DAB1: variants seen among roughly 807,000 people sequenced by gnomAD.
DAB1 encodes DAB adaptor protein 1.
In DAB1, 15 loss-of-function variants were observed where a neutral mutation model predicts 64.6. That is an observed-to-expected ratio of 0.23 (90% CI 0.16 to 0.36). The LOEUF (loss-of-function observed/expected upper bound fraction) is 0.36, where lower values mean the gene tolerates loss of function less well. Among genes scored for constraint, DAB1 ranks in the 10% least tolerant of loss-of-function variants. The pLI, the probability that DAB1 is intolerant of heterozygous loss-of-function variation, is 1.00. For missense variants in DAB1, 596 were observed against 706.7 expected (o/e 0.84, Z 1.78); for synonymous variants, 235 against 251.9 (o/e 0.93, Z 0.64).
chr1:58,280,907 G>C (rs1225108012), intron 4 of DAB1, among the ~76,000 whole-genome samples: 1 of 152,234 alleles, frequency 6.6e-6, no homozygotes, highest in Non-Finnish European at 1.5e-5. Flanking sequence ...GAGACCGTAA[G>C]AGCAAAAGAG....
At chr1:57,924,788 C>G (rs1279749626) in intron 5 of DAB1, among the ~76,000 whole-genome samples, 1 of 151,902 alleles carries the variant, frequency 6.6e-6, no homozygotes, top group Non-Finnish European at 1.5e-5. Context: ...TTCTATGTAT[C>G]AGTTTACTCG....
chr1:57,996,972 C>G (rs931585410), intron 5 of DAB1, among the ~76,000 whole-genome samples: 1 of 152,052 alleles, frequency 6.6e-6, no homozygotes, highest in Non-Finnish European at 1.5e-5. Flanking sequence ...GCCTCCACCC[C>G]ACTGCCAACC....
At chr1:57,137,799 G>T (rs1486652528) in intron 3 of DAB1, among the ~76,000 whole-genome samples, 2 of 152,154 alleles carry the variant, frequency 1.3e-5, no homozygotes, top group African/African-American at 4.8e-5. Flanking sequence ...TTGGGGAATG[G>T]TTGGTGTTAG....
rs190982497 is a variant in DAB1 at position 58,008,054 on chromosome 1, T to C, written n.388-123892A>G. On this transcript the variant is annotated intron_variant and non_coding_transcript_variant, in intron 5 of 20. Transcript: ENST00000485760. ...AAGAGAGGGAAGAAGAGAAAAAGAA[T>C]CACTATGCATGGAATACCTACTATT... Among the ~76,000 whole-genome samples, 293 of 152,294 alleles carry C rather than the reference T, an allele frequency of 1.9e-3. 1 individual carries two copies. Among genetic ancestry groups the C allele is most frequent in the African/African-American group, 6.8e-3 (281 of 41,566 alleles).
intron 4 of DAB1, among the ~76,000 whole-genome samples, chr1:58,154,354 C>T (rs1391818767): frequency 6.6e-6 from 1 of 152,130 alleles, no homozygotes; most frequent in African/African-American, 2.4e-5. Context: ...CATCCCGACC[C>T]TCACTGAGAC....
chr1:57,105,995 G>T (rs1369120467), intron 4 of DAB1, among the ~76,000 whole-genome samples: 1 of 152,114 alleles, frequency 6.6e-6, no homozygotes, highest in African/African-American at 2.4e-5. Flanking sequence ...AGGCCAAGCA[G>T]ATCTCTTAAC....
intron 3 of DAB1, among the ~76,000 whole-genome samples, chr1:58,372,046 A>C (rs1644268717): frequency 6.6e-6 from 1 of 152,170 alleles, no homozygotes; most frequent in Non-Finnish European, 1.5e-5. Flanking sequence ...GGCACTGCCT[A>C]GTGGAGCTGT....
chr1:57,910,101 AAAAT>A (rs1644618421), intron 5 of DAB1, among the ~76,000 whole-genome samples: 1 of 152,216 alleles, frequency 6.6e-6, no homozygotes, highest in African/African-American at 2.4e-5. Flanking sequence ...CAGAGCTACA[AAAAT>A]AAAATCCCCA....
At chr1:57,402,113 G>A (rs932065976) in intron 1 of DAB1, among the ~76,000 whole-genome samples, 6 of 152,164 alleles carry the variant, frequency 3.9e-5, no homozygotes, top group East Asian at 3.9e-4. Flanking sequence ...CTAATTTCAC[G>A]GTACAGTAGA....
At chr1:57,439,521 C>T (rs566289850) in intron 7 of DAB1, among the ~76,000 whole-genome samples, 174 of 149,212 alleles carry the variant, frequency 1.2e-3, no homozygotes, top group African/African-American at 3.5e-3. Context: ...CTCCACCTCC[C>T]GAGTTCATGC....
chr1:58,334,612 ATAT>A (rs1439767780), intron 4 of DAB1, among the ~76,000 whole-genome samples: 2 of 107,068 alleles, frequency 1.9e-5, no homozygotes, highest in Non-Finnish European at 4.2e-5. Flanking sequence ...ACATTATATT[ATAT>A]TATATTATAT....
intron 7 of DAB1, among the ~76,000 whole-genome samples, chr1:57,464,484 T>C (rs1353426425): frequency 6.6e-6 from 1 of 152,192 alleles, no homozygotes; most frequent in Non-Finnish European, 1.5e-5. Context: ...TGTACTGGAA[T>C]TGCTTATAGA....
intron 5 of DAB1, among the ~76,000 whole-genome samples, chr1:57,973,490 C>G (rs943001430): frequency 6.6e-6 from 1 of 152,180 alleles, no homozygotes; most frequent in African/African-American, 2.4e-5. Context: ...AACACATACT[C>G]TATACATGTA....
intron 5 of DAB1, among the ~76,000 whole-genome samples, chr1:57,971,903 T>C (rs970719620): frequency 6.6e-6 from 1 of 152,200 alleles, no homozygotes; most frequent in African/African-American, 2.4e-5. Flanking sequence ...AGGCATCAGT[T>C]TGTGAACCCC....
chr1:57,697,595 T>C (rs1318107800), intron 6 of DAB1, among the ~76,000 whole-genome samples: 1 of 152,148 alleles, frequency 6.6e-6, no homozygotes, highest in East Asian at 1.9e-4. Flanking sequence ...TCTCAAGACC[T>C]AAGATAATAC....
chr1:57,090,338 T>C (rs1028028706), intron 4 of DAB1, among the ~76,000 whole-genome samples: 5 of 152,110 alleles, frequency 3.3e-5, no homozygotes, highest in Admixed American at 1.3e-4. Context: ...AGGATGAAAA[T>C]CCAGGGTATC....
At chr1:57,483,638 G>T (rs1330417334) in intron 7 of DAB1, among the ~76,000 whole-genome samples, 1 of 151,854 alleles carries the variant, frequency 6.6e-6, no homozygotes, top group Admixed American at 6.6e-5. Context: ...TTGAGTCAGG[G>T]TCTTGCTCCG....
intron 3 of DAB1, among the ~76,000 whole-genome samples, chr1:58,451,928 T>TTG (rs1645141464): frequency 6.6e-6 from 1 of 151,476 alleles, no homozygotes; most frequent in Non-Finnish European, 1.5e-5. Context: ...TCCTTTTTTT[T>TTG]TTTTTTTTGA....
intron 6 of DAB1, among the ~76,000 whole-genome samples, chr1:57,668,576 T>C (rs1646474922): frequency 6.6e-6 from 1 of 152,142 alleles, no homozygotes; most frequent in African/African-American, 2.4e-5. Context: ...GGAAATATGG[T>C]GGCCAAAGCA....
Sources: gnomAD v4.1 joint callset for allele counts (sites outside exome capture counted in the v4.1 genomes callset) on GRCh38, gnomAD v4.1.1 for gene constraint, MANE v1.5 for transcripts, NCBI Gene and HGNC (gene_info 2026-07-23, HGNC 2026-07-21) for gene names.